Variants in SMO observed in about 807,000 individuals in gnomAD.
SMO encodes smoothened, frizzled class receptor.
A neutral mutation model predicts 81.6 loss-of-function variants in SMO; 40 were observed. The observed-to-expected ratio is 0.49, with a 90% CI of 0.38 to 0.64. SMO has a LOEUF of 0.64. SMO is among the 30% of genes least tolerant of loss of function. SMO has a pLI of 0.00. For synonymous variants in SMO, 434 were observed against 432.1 expected, an observed-to-expected ratio of 1.00 and a Z score of -0.05; for missense variants, 916 against 1,061.1, an observed-to-expected ratio of 0.86 and a Z score of 1.90.
In SMO at chr7:129,210,044, G is replaced by T. The variant is rs576712763; in HGVS notation, c.1467-319G>T. The T allele has an allele frequency of 1.3e-5, 3 of 236,686 alleles. No individual in the cohort carries two copies. The highest frequency in any genetic ancestry group is 8.2e-5 in the East Asian group (1 of 12,240). The allele number at this position is 236,686 out of a possible 1,614,324, so 14.7% of individuals were successfully genotyped here. A position where few individuals can be genotyped will look rare whatever the true frequency, so the allele number is the denominator to read the frequency against. ...TTTAATTGTCTAGGGTGGGTCCCAG[G>T]CATCAGTAGCTATTAAAAGCTCCCC... On this transcript the variant is annotated intron_variant, in intron 8 of 11. Coordinates refer to ENST00000249373, the MANE Select transcript of SMO (RefSeq NM_005631.5). The surrounding 1 kb of genome is among the most constrained non-coding windows in gnomAD (Gnocchi z 4.7).
chr7:129,197,716 C>T (rs1017469836), intron 1 of SMO, among the ~76,000 whole-genome samples: 2 of 152,204 alleles, frequency 1.3e-5, no homozygotes, highest in South Asian at 2.1e-4. Flanking sequence ...CCACTGCGCC[C>T]GGCTGAATTT....
At chr7:129,197,800 T>A (rs947104050) in intron 1 of SMO, among the ~76,000 whole-genome samples, 2 of 152,144 alleles carry the variant, frequency 1.3e-5, no homozygotes, top group Admixed American at 6.6e-5. Flanking sequence ...TGTAGTAAAT[T>A]GCATTGATTG....
chr7:129,193,756 C>T (rs1793514981), intron 1 of SMO, among the ~76,000 whole-genome samples: 1 of 8,652 alleles, frequency 1.2e-4, no homozygotes, highest in Non-Finnish European at 1.7e-4. Context: ...GAGACTCCAT[C>T]TCAAAAAAAA....
rs1218748049 is a variant in SMO at position 129,210,454 on chromosome 7, A to G, written c.1558A>G (p.Ile520Val). Residue 520 changes from isoleucine (I) to valine (V), a missense_variant, in exon 9 of 12, where the codon ATC (isoleucine) becomes GTC (valine). Physicochemically the swap from Ile to Val is conservative, Grantham distance 29. Coordinates refer to ENST00000249373, the MANE Select transcript of SMO (RefSeq NM_005631.5). The surrounding 1 kb of genome is among the most constrained non-coding windows in gnomAD (Gnocchi z 4.7). ...KNRPSLLVEKINLFAMFGTGI... is the reference protein window; with the variant it reads ...KNRPSLLVEKVNLFAMFGTGI... Reference sequence around the variant, plus strand: ...TCGCCCGAGCCTTCTGGTGGAGAAGATCAACCTGTTTGCCATGTTTGGAAC... The same window carrying G: ...TCGCCCGAGCCTTCTGGTGGAGAAGGTCAACCTGTTTGCCATGTTTGGAAC... The G allele has an allele frequency of 6.2e-7, 1 of 1,614,138 alleles. No homozygotes were observed. The highest frequency in any genetic ancestry group is 1.7e-5 in the Admixed American group (1 of 60,022).
intron 1 of SMO, among the ~76,000 whole-genome samples, chr7:129,198,213 A>C (rs1285083904): frequency 6.6e-6 from 1 of 152,230 alleles, no homozygotes; most frequent in Non-Finnish European, 1.5e-5. Context: ...TGGGCCTCCC[A>C]AAATGCTAGG....
Position 129,206,782 on chromosome 7 carries a change from A to C in SMO, c.1264+195A>C, listed in dbSNP as rs1380466020. On this transcript the variant is annotated intron_variant, in intron 6 of 11. Transcript: ENST00000249373. This position sits in a 1 kb window ranked among gnomAD's most constrained non-coding sequence, Gnocchi z 4.4. ...ACTTGCTGCGGGACAGCACCTTTGT[A>C]CTGGCCAGAAAAATCCATCCCTCTC... Among the ~76,000 whole-genome samples the C allele has an allele frequency of 1.3e-5, 2 of 152,110 alleles. No individual in the cohort carries two copies. Among genetic ancestry groups the C allele is most frequent in the African/African-American group, 2.4e-5 (1 of 41,430 alleles).
chr7:129,211,945 G>C lies in SMO; in HGVS notation c.1937-79G>C. The C allele has an allele frequency of 6.9e-7, 1 of 1,454,234 alleles. No individual in the cohort carries two copies. The highest frequency in any genetic ancestry group is 9.2e-7 in the Non-Finnish European group (1 of 1,084,118). 90.1% of individuals were successfully genotyped at this position (1,454,234 alleles called of 1,614,324 possible). On this transcript the variant is annotated intron_variant, in intron 11 of 11. Coordinates refer to ENST00000249373, the MANE Select transcript of SMO (RefSeq NM_005631.5). The surrounding 1 kb of genome is among the most constrained non-coding windows in gnomAD (Gnocchi z 4.6). ...AGAGACCTGGGCCCCAGAACTAACA[G>C]GTTAAGTGCTCCCAGGGGAGCGGGG...
At chr7:129,198,218 G>T (rs1038818943) in intron 1 of SMO, among the ~76,000 whole-genome samples, 1 of 152,156 alleles carries the variant, frequency 6.6e-6, no homozygotes, top group Non-Finnish European at 1.5e-5. Context: ...CTCCCAAAAT[G>T]CTAGGATTAT....
chr7:129,196,642 C>T (rs34920883), intron 1 of SMO, among the ~76,000 whole-genome samples: 4,076 of 152,132 alleles, frequency 0.027, 87 homozygotes, highest in Admixed American at 0.065. Flanking sequence ...ATTTGTTAGA[C>T]ATTCCTAGGT....
In SMO at chr7:129,212,274, G is replaced by A. The variant is rs757344926; in HGVS notation, c.2187G>A (p.Ala729=). 2.5e-5 allele frequency: 41 copies of A among 1,612,440 alleles called. No homozygotes were observed. The South Asian group carries it at 3.4e-4, about 13-fold the overall frequency. The change falls in exon 12 of 12, where the codon GCG becomes GCA. Residue 729 remains alanine (A), a synonymous_variant. Coordinates refer to ENST00000249373, the MANE Select transcript of SMO (RefSeq NM_005631.5). This position sits in a 1 kb window ranked among gnomAD's most constrained non-coding sequence, Gnocchi z 5.0. ...WGAGDSCRQG[A]WTLVSNPFCP... ...CTGGGGACTCTTGCCGACAGGGAGC[G>A]TGGACCCTGGTCTCCAACCCATTCT...
Position 129,210,006 on chromosome 7 carries a change from C to A in SMO, c.1467-357C>A. ...ACCACAGTGATGCCTGAGTCTCTGCCCCAGAGATTCAATTTAATTGTCTAG... is the reference window on the plus strand; with the variant it reads ...ACCACAGTGATGCCTGAGTCTCTGCACCAGAGATTCAATTTAATTGTCTAG... On this transcript the variant is annotated intron_variant, in intron 8 of 11. Coordinates refer to ENST00000249373, the MANE Select transcript of SMO (RefSeq NM_005631.5). The surrounding 1 kb of genome is among the most constrained non-coding windows in gnomAD (Gnocchi z 4.7). The A allele has an allele frequency of 5.0e-6, 1 of 198,650 alleles. No homozygotes were observed. The highest frequency in any genetic ancestry group is 1.0e-5 in the Non-Finnish European group (1 of 95,356). The allele number at this position is 198,650 out of a possible 1,614,324, so 12.3% of individuals were successfully genotyped here.
intron 1 of SMO, among the ~76,000 whole-genome samples, chr7:129,194,274 T>C (rs1317840651): frequency 2.0e-5 from 3 of 152,054 alleles, no homozygotes; most frequent in African/African-American, 7.2e-5. Context: ...CAGGCTGGAG[T>C]GCAGTGGCTA....
In SMO at chr7:129,189,678, A is replaced by G. The variant is rs1793455520; in HGVS notation, c.331+196A>G. Among the ~76,000 whole-genome samples, 1 of 152,170 alleles carries G rather than the reference A, an allele frequency of 6.6e-6. No individual in the cohort carries two copies. The highest frequency in any genetic ancestry group is 2.4e-5 in the African/African-American group (1 of 41,450). On this transcript the variant is annotated intron_variant, in intron 1 of 11. Transcript: ENST00000249373. The surrounding 1 kb of genome is among the most constrained non-coding windows in gnomAD (Gnocchi z 4.7). ...CCCTCGGTCATGGGAAAAGGAGGGC[A>G]AGGAAGTTGACGAAGCGGGTCACAA...
At chr7:129,209,754 G>A (rs146797538) in intron 8 of SMO, 53 of 254,034 alleles carry the variant, frequency 2.1e-4, no homozygotes, top group African/African-American at 1.1e-3. Flanking sequence ...CACAGGACTA[G>A]TTACCTCTCT....
At position 129,189,460 on chromosome 7, in the gene SMO, C is replaced by T. The variant is rs764675802; in HGVS notation, c.309C>T (p.His103=). 9.1e-6 allele frequency: 14 copies of T among 1,537,940 alleles called. No individual in the cohort carries two copies. Among genetic ancestry groups the T allele is most frequent in the South Asian group, 3.6e-5 (3 of 84,028 alleles). ...AGDSDSQEEA[H]GKLVLWSGLR... The stretch of plus-strand genomic sequence containing the variant: ...ACTCGGACTCCCAGGAGGAAGCGCA[C>T]GGCAAGCTCGTGCTCTGGTCGGGTA... The change falls in exon 1 of 12, where the codon CAC becomes CAT. Residue 103 remains histidine (H), a synonymous_variant. Coordinates refer to ENST00000249373, the MANE Select transcript of SMO (RefSeq NM_005631.5). The surrounding 1 kb of genome is among the most constrained non-coding windows in gnomAD (Gnocchi z 4.7).
chr7:129,212,651 C>T lies in SMO; in HGVS notation c.*200C>T. On this transcript the variant is annotated 3_prime_UTR_variant, in exon 12 of 12. Coordinates refer to ENST00000249373, the MANE Select transcript of SMO (RefSeq NM_005631.5). This position sits in a 1 kb window ranked among gnomAD's most constrained non-coding sequence, Gnocchi z 5.0. ...CTAACATCTCCATGGGGAGGCCTCA[C>T]CCCAGGGACAGGGCCCTGGAGCTCA... 1.7e-6 allele frequency: 1 copy of T among 605,474 alleles called. No homozygotes were observed. The highest frequency in any genetic ancestry group is 2.8e-5 in the East Asian group (1 of 35,906). The allele number at this position is 605,474 out of a possible 1,614,324, so 37.5% of individuals were successfully genotyped here.
At chr7:129,205,125 T>C in intron 2 of SMO, 78 bp from the exon 3 acceptor site, 1 of 1,281,320 alleles carries the variant, frequency 7.8e-7, no homozygotes. Flanking sequence ...CCTGCCATGC[T>C]ACCTAGATAC....
chr7:129,211,715 T>C lies in SMO; in HGVS notation c.1881T>C (p.Ala627=), dbSNP rs772202815. 3.7e-6 allele frequency: 6 copies of C among 1,613,920 alleles called. No homozygotes were observed. Among genetic ancestry groups the C allele is most frequent in the Non-Finnish European group, 5.1e-6 (6 of 1,179,976 alleles). Residue 627 remains alanine (A), a synonymous_variant, in exon 11 of 12, where the codon GCT becomes GCC. Coordinates refer to ENST00000249373, the MANE Select transcript of SMO (RefSeq NM_005631.5). The surrounding 1 kb of genome is among the most constrained non-coding windows in gnomAD (Gnocchi z 4.6). ...AWAQHVTKMV[A]RRGAILPQDI... ...CCCAGCATGTCACCAAGATGGTGGC[T>C]CGGAGAGGAGCCATACTGCCCCAGG...
chr7:129,208,692 A>C lies in SMO; in HGVS notation c.1265-67A>C. 1.0e-6 allele frequency: 1 copy of C among 977,756 alleles called. No individual in the cohort carries two copies. 60.6% of individuals were successfully genotyped at this position (977,756 alleles called of 1,614,324 possible). On this transcript the variant is annotated intron_variant, in intron 6 of 11. Transcript: ENST00000249373. This position sits in a 1 kb window ranked among gnomAD's most constrained non-coding sequence, Gnocchi z 5.2. ...TCCAGAGCCTTAGGACCCTCCTCCCACTCACCCATCCTTCCCAGCAGGGCA... is the reference window on the plus strand; with the variant it reads ...TCCAGAGCCTTAGGACCCTCCTCCCCCTCACCCATCCTTCCCAGCAGGGCA...
Sources: gnomAD v4.1 joint callset for allele counts (sites outside exome capture counted in the v4.1 genomes callset) on GRCh38, gnomAD v4.1.1 for gene constraint, Gnocchi (gnomAD v3.1) non-coding constraint, MANE v1.5 for transcripts, NCBI Gene and HGNC (gene_info 2026-07-23, HGNC 2026-07-21) for gene names.